The following DDR2 variants were observed in gnomAD, a reference collection of about 807,000 sequenced individuals.
The protein encoded by DDR2 is discoidin domain receptor tyrosine kinase 2.
In DDR2, 27 loss-of-function variants were observed where a neutral mutation model predicts 94.9. That is an observed-to-expected ratio of 0.28 (90% CI 0.21 to 0.39). DDR2 has a LOEUF of 0.39. Among genes scored for constraint, DDR2 ranks in the 10% least tolerant of loss-of-function variants. DDR2 has a pLI of 1.00. For missense variants in DDR2, 783 were observed against 1,076.0 expected, an observed-to-expected ratio of 0.73 and a Z score of 3.81; for synonymous variants, 382 against 377.2, an observed-to-expected ratio of 1.01 and a Z score of -0.15.
At chr1:162,743,978 T>C (rs1662731145) in intron 3 of DDR2, among the ~76,000 whole-genome samples, 1 of 152,244 alleles carries the variant, frequency 6.6e-6, no homozygotes, top group African/African-American at 2.4e-5. Flanking sequence ...TGTGCTTTTT[T>C]GGTCTGACTT....
chr1:162,713,165 T>A (rs929648407), intron 2 of DDR2, among the ~76,000 whole-genome samples: 10 of 152,150 alleles, frequency 6.6e-5, no homozygotes, highest in African/African-American at 2.4e-4. Flanking sequence ...CAGGCAGTAA[T>A]TCTCAACTGT....
chr1:162,647,472 G>A (rs1365826893), intron 1 of DDR2, among the ~76,000 whole-genome samples: 1 of 152,190 alleles, frequency 6.6e-6, no homozygotes, highest in African/African-American at 2.4e-5. Flanking sequence ...AGTCTATAAA[G>A]TGAAAGCAAG....
chr1:162,750,071 T>G (rs906028085), intron 3 of DDR2, among the ~76,000 whole-genome samples: 2 of 152,200 alleles, frequency 1.3e-5, no homozygotes, highest in Admixed American at 1.3e-4. Context: ...GCATTCCCTT[T>G]GAAAACTGGC....
At chr1:162,640,410 A>T (rs993313749) in intron 1 of DDR2, among the ~76,000 whole-genome samples, 1 of 152,178 alleles carries the variant, frequency 6.6e-6, no homozygotes, top group Admixed American at 6.5e-5. Flanking sequence ...AAATGTGCCA[A>T]TGTCGTGAGG....
intron 3 of DDR2, among the ~76,000 whole-genome samples, chr1:162,743,465 G>A (rs1344679256): frequency 6.6e-6 from 1 of 152,132 alleles, no homozygotes; most frequent in Non-Finnish European, 1.5e-5. Context: ...ACCCCTCCAA[G>A]CTGAGAGAAG....
intron 14 of DDR2, among the ~76,000 whole-genome samples, chr1:162,774,062 T>C (rs61812965): frequency 0.95 from 145,181 of 152,028 alleles, 69,684 homozygotes; most frequent in East Asian, 1. Flanking sequence ...TTCTTCTATT[T>C]GAGCAACCCT....
At chr1:162,741,585 G>C in intron 3 of DDR2, 1 of 985,328 alleles carries the variant, frequency 1.0e-6, no homozygotes, top group Non-Finnish European at 1.2e-6. Flanking sequence ...TCAGGGTCAA[G>C]ATGGCAATCA....
intron 1 of DDR2, among the ~76,000 whole-genome samples, chr1:162,647,688 C>T (rs991408997): frequency 6.6e-6 from 1 of 152,276 alleles, no homozygotes; most frequent in Admixed American, 6.5e-5. Flanking sequence ...AGGTAACTTC[C>T]AGATGTTGCC....
chr1:162,750,166 T>A (rs1345252304), intron 3 of DDR2, among the ~76,000 whole-genome samples: 1 of 152,136 alleles, frequency 6.6e-6, no homozygotes, highest in Admixed American at 6.5e-5. Flanking sequence ...GAGAAAGAAA[T>A]AAAGGGTATT....
At chr1:162,741,313 A>G (rs558764870) in intron 3 of DDR2, among the ~76,000 whole-genome samples, 89 of 139,996 alleles carry the variant, frequency 6.4e-4, no homozygotes, top group African/African-American at 2.3e-3. Flanking sequence ...ATAATATAAT[A>G]TAATATAAAT....
intron 9 of DDR2, among the ~76,000 whole-genome samples, chr1:162,765,121 C>T (rs2102167062): frequency 6.6e-6 from 1 of 152,218 alleles, no homozygotes. Flanking sequence ...TAGATTCCCA[C>T]CCATCCTCAG....
At chr1:162,707,896 T>C (rs1390425620) in intron 2 of DDR2, among the ~76,000 whole-genome samples, 1 of 152,238 alleles carries the variant, frequency 6.6e-6, no homozygotes, top group African/African-American at 2.4e-5. Flanking sequence ...TTTCTACTTT[T>C]AACCAGCTTA....
intron 3 of DDR2, among the ~76,000 whole-genome samples, chr1:162,746,437 G>A (rs992963076): frequency 6.6e-6 from 1 of 152,214 alleles, no homozygotes; most frequent in African/African-American, 2.4e-5. Flanking sequence ...CTCTGCCATT[G>A]CTGAGGCTTG....
intron 5 of DDR2, 69 bp from the exon 6 acceptor site, chr1:162,755,087 G>C (rs1339181177): frequency 2.5e-6 from 4 of 1,603,974 alleles, no homozygotes; most frequent in Non-Finnish European, 3.4e-6. Context: ...CATCAAAAAC[G>C]TGGTGGGGTG....
chr1:162,778,751 T>C, intron 17 of DDR2, 22 bp downstream of exon 17: 1 of 1,613,660 alleles, frequency 6.2e-7, no homozygotes, highest in Non-Finnish European at 8.5e-7. Flanking sequence ...TGGGGATGAA[T>C]GGATGTGGAC....
At chr1:162,648,799 C>G (rs1384670952) in intron 1 of DDR2, among the ~76,000 whole-genome samples, 3 of 152,124 alleles carry the variant, frequency 2.0e-5, no homozygotes, top group African/African-American at 7.2e-5. Context: ...AGCACATCAG[C>G]TGATGTGGAA....
chr1:162,742,303 T>C (rs1377647168), intron 3 of DDR2, among the ~76,000 whole-genome samples: 1 of 152,288 alleles, frequency 6.6e-6, no homozygotes, highest in Non-Finnish European at 1.5e-5. Flanking sequence ...GGTCAATTTA[T>C]AAGAAAAGAG....
At chr1:162,632,428 G>T (rs1656601643), upstream of DDR2, 1 of 152,084 alleles carries the variant, frequency 6.6e-6, no homozygotes, top group African/African-American at 2.4e-5. Flanking sequence ...GATCCCTGGC[G>T]CTTTCCCAGG....
At chr1:162,729,292 ATATATATATTTTTTTT>A (rs1661884118) in intron 3 of DDR2, among the ~76,000 whole-genome samples, 1 of 23,830 alleles carries the variant, frequency 4.2e-5, no homozygotes, top group African/African-American at 2.0e-4. Context: ...ATATATATAT[ATATATATATTTTTTTT>A]TTTTTTTTTT....
Sources: gnomAD v4.1 joint callset for allele counts (sites outside exome capture counted in the v4.1 genomes callset) on GRCh38, gnomAD v4.1.1 for gene constraint, MANE v1.5 for transcripts, NCBI Gene and HGNC (gene_info 2026-07-23, HGNC 2026-07-21) for gene names.